Variants in TGOLN2 observed in about 807,000 individuals in gnomAD.
TGOLN2 encodes trans-golgi network protein 2.
In TGOLN2, 19 loss-of-function variants were observed where a neutral mutation model predicts 31.3. That is an observed-to-expected ratio of 0.61 (90% CI 0.42 to 0.89). TGOLN2 has a LOEUF of 0.89. TGOLN2 is among the 40% of genes least tolerant of loss of function. The pLI is 0.00. For synonymous variants in TGOLN2, 222 were observed against 226.7 expected (o/e 0.98, Z 0.19); for missense variants, 540 against 559.2 (o/e 0.97, Z 0.35).
At position 85,327,213 on chromosome 2, in the gene TGOLN2, C is replaced by A; in HGVS notation, c.519G>T (p.Gln173His). The A allele has an allele frequency of 6.2e-7, 1 of 1,612,848 alleles. No homozygotes were observed. The change falls in exon 2 of 4, where the codon CAG becomes CAT. Residue 173 changes from glutamine to histidine, a missense_variant. Gln to His is a conservative substitution (Grantham distance 24). Coordinates refer to ENST00000377386, the MANE Select transcript of TGOLN2 (RefSeq NM_006464.4). ...ACTTATTAGGGACATCTTTTGTGGT[C>A]TGCGCCTCCGAACCTGACTTGCTAG... ...DSPSKSGSEA[Q>H]TTKDVPNKSG...
chr2:85,322,805 C>A (rs774858060), intron 3 of TGOLN2, 64 bp from the exon 4 acceptor site: 5 of 1,583,434 alleles, frequency 3.2e-6, no homozygotes, highest in Non-Finnish European at 4.3e-6. Flanking sequence ...ACATACTGAC[C>A]CACCACCACA....
In TGOLN2 at chr2:85,318,720, G is replaced by A. The variant is rs1682450584; in HGVS notation, c.*4016C>T. On this transcript the variant is annotated 3_prime_UTR_variant, in exon 4 of 4. Transcript: ENST00000377386. Reference sequence around the variant, plus strand: ...GGTTTAGAATTCTATCAGCACATGTGTCACTGGAAGCCATCATGGGAGTAC... The same window carrying A: ...GGTTTAGAATTCTATCAGCACATGTATCACTGGAAGCCATCATGGGAGTAC... 1 of 152,292 alleles carries A rather than the reference G, an allele frequency of 6.6e-6. No homozygotes were observed. Among genetic ancestry groups the A allele is most frequent in the African/African-American group, 2.4e-5 (1 of 41,470 alleles). 9.4% of individuals were successfully genotyped at this position (152,292 alleles called of 1,614,324 possible).
Position 85,326,625 on chromosome 2 carries a change from G to A in TGOLN2, c.1107C>T (p.Asp369=), listed in dbSNP as rs1219054488. 1 of 1,614,016 alleles carries A rather than the reference G, an allele frequency of 6.2e-7. No individual in the cohort carries two copies. Among genetic ancestry groups the A allele is most frequent in the African/African-American group, 1.3e-5 (1 of 75,040 alleles). Residue 369 remains aspartate, a synonymous_variant, in exon 2 of 4, where the codon GAC becomes GAT. Transcript: ENST00000377386. ...LSDSTGSEKD[D]LYPNGSGNGS... ...CATTTCCAGAACCGTTCGGATAAAG[G>A]TCATCCTTCTCGCTACCCGTGGAAT...
rs2104408720 is a variant in TGOLN2 at position 85,322,494 on chromosome 2, T to C, written c.*242A>G. On this transcript the variant is annotated 3_prime_UTR_variant, in exon 4 of 4. Coordinates refer to ENST00000377386, the MANE Select transcript of TGOLN2 (RefSeq NM_006464.4). ...AAATAAAGGGAACACAGAAGAACAA[T>C]GTCACCAAAGTGCAGGTGCAAAGCC... 4.5e-6 allele frequency: 3 copies of C among 666,058 alleles called. No homozygotes were observed. Among genetic ancestry groups the C allele is most frequent in the South Asian group, 4.0e-5 (2 of 50,410 alleles). The allele number at this position is 666,058 out of a possible 1,614,324, so 41.3% of individuals were successfully genotyped here.
Position 85,327,966 on chromosome 2 carries a change from G to C in TGOLN2, c.-4C>G, listed in dbSNP as rs768165945. The C allele has an allele frequency of 3.8e-6, 6 of 1,589,086 alleles. 1 individual carries two copies. In the Admixed American group the frequency reaches 1.1e-4, roughly 28 times the overall value. ...CCAAGGCAACCACGAACCGCATCCT[G>C]CTCGGATAGCGCTTCCGCCCTCTAA... is the stretch of plus-strand genomic sequence containing the variant. On this transcript the variant is annotated 5_prime_UTR_variant, in exon 1 of 4. Transcript: ENST00000377386.
chr2:85,327,490 G>C lies in TGOLN2; in HGVS notation c.242C>G (p.Pro81Arg). Reference protein sequence around the residue: ...SAEAQTPEDTPNKSGAEAKTQ... With the variant: ...SAEAQTPEDTRNKSGAEAKTQ... Reference sequence around the variant, plus strand: ...CTTTGCCTCCGCACCCGACTTGTTGGGGGTGTCTTCTGGGGTCTGCGCCTC... The same window carrying C: ...CTTTGCCTCCGCACCCGACTTGTTGCGGGTGTCTTCTGGGGTCTGCGCCTC... The change falls in exon 2 of 4, where the codon CCC (proline) becomes CGC (arginine). Residue 81 changes from proline to arginine, a missense_variant. Coordinates refer to ENST00000377386, the MANE Select transcript of TGOLN2 (RefSeq NM_006464.4). The C allele has an allele frequency of 8.1e-6, 13 of 1,613,976 alleles. No individual in the cohort carries two copies. The highest frequency in any genetic ancestry group is 1.1e-5 in the Non-Finnish European group (13 of 1,179,886).
At chr2:85,325,405 CA>C (rs1682695936) in intron 2 of TGOLN2, among the ~76,000 whole-genome samples, 1 of 152,214 alleles carries the variant, frequency 6.6e-6, no homozygotes, top group Admixed American at 6.5e-5. Flanking sequence ...ACATCAACTA[CA>C]TTCTTTATCA....
Position 85,327,703 on chromosome 2 carries a change from G to A in TGOLN2, c.47-18C>T, listed in dbSNP as rs375631353. ...CACGGCTCCTGAAATAGAAAAACGAGTTAGCACCGGAGAAGGGCAGGCGGG... is the reference window on the plus strand; with the variant it reads ...CACGGCTCCTGAAATAGAAAAACGAATTAGCACCGGAGAAGGGCAGGCGGG... On this transcript the variant is annotated intron_variant, in intron 1 of 3. Transcript: ENST00000377386. 4.7e-5 allele frequency: 74 copies of A among 1,570,554 alleles called. No homozygotes were observed. The African/African-American group carries it at 9.2e-4, about 20-fold the overall frequency.
chr2:85,327,262 T>C lies in TGOLN2; in HGVS notation c.470A>G (p.Glu157Gly). 6.2e-7 allele frequency: 1 copy of C among 1,612,910 alleles called. No individual in the cohort carries two copies. The highest frequency in any genetic ancestry group is 8.5e-7 in the Non-Finnish European group (1 of 1,179,164). ...AGGGCTGTCTTTTTGGGTCTTTGCC[T>C]CCGCACCCGACCTGTTGGGGCTGTC... ...PEDSPNRSGA[E>G]AKTQKDSPSK... The change falls in exon 2 of 4, where the codon GAG becomes GGG. Residue 157 changes from glutamate to glycine, a missense_variant. Coordinates refer to ENST00000377386, the MANE Select transcript of TGOLN2 (RefSeq NM_006464.4).
chr2:85,327,976 C>G lies in TGOLN2; in HGVS notation c.-14G>C, dbSNP rs1220116458. On this transcript the variant is annotated 5_prime_UTR_variant, in exon 1 of 4. Transcript: ENST00000377386. ...CACGAACCGCATCCTGCTCGGATAG[C>G]GCTTCCGCCCTCTAATGCTCTCGCG... The G allele has an allele frequency of 6.3e-7, 1 of 1,581,462 alleles. No homozygotes were observed. Among genetic ancestry groups the G allele is most frequent in the Non-Finnish European group, 8.6e-7 (1 of 1,164,154 alleles).
Position 85,327,958 on chromosome 2 carries a change from C to T in TGOLN2, c.5G>A (p.Arg2Gln), listed in dbSNP as rs769708823. The T allele has an allele frequency of 4.4e-6, 7 of 1,595,980 alleles. No homozygotes were observed. Among genetic ancestry groups the T allele is most frequent in the South Asian group, 3.4e-5 (3 of 87,974 alleles). Residue 2 changes from arginine (R) to glutamine (Q), a missense_variant, in exon 1 of 4, where the codon CGG becomes CAG. By Grantham distance (43) the Arg-to-Gln change is conservative (BLOSUM62 1). Coordinates refer to ENST00000377386, the MANE Select transcript of TGOLN2 (RefSeq NM_006464.4). M[R>Q]FVVALVLLNV... ...CAGGAGGACCAAGGCAACCACGAACCGCATCCTGCTCGGATAGCGCTTCCG... is the reference window on the plus strand; with the variant it reads ...CAGGAGGACCAAGGCAACCACGAACTGCATCCTGCTCGGATAGCGCTTCCG...
At position 85,319,170 on chromosome 2, in the gene TGOLN2, ATTTC is replaced by A. The variant is rs1317826475; in HGVS notation, c.*3562_*3565del. 2 of 143,982 alleles carry A rather than the reference ATTTC, an allele frequency of 1.4e-5. No homozygotes were observed. The highest frequency in any genetic ancestry group is 3.0e-5 in the Non-Finnish European group (2 of 65,928). The allele number at this position is 143,982 out of a possible 1,614,324, so 8.9% of individuals were successfully genotyped here. Reference sequence around the variant, plus strand: ...GATGTGCGGTATTTTCTTCAATGCTATTTCTTTCTTTTTTTTTTTTTTTTTTGAG... The same window carrying A: ...GATGTGCGGTATTTTCTTCAATGCTATTTCTTTTTTTTTTTTTTTTTTGAG... On this transcript the variant is annotated 3_prime_UTR_variant, in exon 4 of 4. Coordinates refer to ENST00000377386, the MANE Select transcript of TGOLN2 (RefSeq NM_006464.4).
At chr2:85,325,086 A>AT in intron 2 of TGOLN2, 88 bp from the exon 3 acceptor site, 1 of 1,208,546 alleles carries the variant, frequency 8.3e-7, no homozygotes, top group Non-Finnish European at 1.2e-6. Flanking sequence ...ACCTGGTAGC[A>AT]TATTTGTTAA....
At chr2:85,323,747 A>G (rs920849086) in intron 3 of TGOLN2, among the ~76,000 whole-genome samples, 23 of 152,220 alleles carry the variant, frequency 1.5e-4, no homozygotes, top group African/African-American at 5.5e-4. Context: ...TGTTCCCTGC[A>G]GGAAGTCTGG....
intron 2 of TGOLN2, among the ~76,000 whole-genome samples, chr2:85,325,589 C>G (rs1235526906): frequency 6.6e-6 from 1 of 152,174 alleles, no homozygotes; most frequent in Non-Finnish European, 1.5e-5. Context: ...GCCATCCTCC[C>G]ACTTCAGCCT....
Position 85,327,113 on chromosome 2 carries a change from G to A in TGOLN2, c.619C>T (p.Pro207Ser). Reference sequence around the variant, plus strand: ...TGCTTCTCCGCACCCGACTTGTTAGGGACGTCTTTTGGGGTCTGATCCTCC... The same window carrying A: ...TGCTTCTCCGCACCCGACTTGTTAGAGACGTCTTTTGGGGTCTGATCCTCC... The part of the protein sequence containing the change: ...GAEDQTPKDV[P>S]NKSGAEKQTP... Residue 207 changes from proline (P) to serine (S), a missense_variant, in exon 2 of 4, where the codon CCT becomes TCT. Pro to Ser is a moderately conservative substitution (Grantham distance 74). Transcript: ENST00000377386. 1.9e-6 allele frequency: 3 copies of A among 1,612,834 alleles called. No individual in the cohort carries two copies. Among genetic ancestry groups the A allele is most frequent in the Non-Finnish European group, 2.5e-6 (3 of 1,179,584 alleles).
intron 3 of TGOLN2, among the ~76,000 whole-genome samples, chr2:85,323,415 A>G (rs958023560): frequency 6.6e-5 from 10 of 152,102 alleles, no homozygotes; most frequent in Non-Finnish European, 1.0e-4. Flanking sequence ...AAAATCTAAA[A>G]ATTAGCTGGG....
rs1255977705 is a variant in TGOLN2 at position 85,327,694 on chromosome 2, G to C, written c.47-9C>G. 1 of 1,572,018 alleles carries C rather than the reference G, an allele frequency of 6.4e-7. No individual in the cohort carries two copies. Among genetic ancestry groups the C allele is most frequent in the Non-Finnish European group, 8.6e-7 (1 of 1,157,358 alleles). On this transcript the variant is annotated splice_polypyrimidine_tract_variant and intron_variant, in intron 1 of 3. Transcript: ENST00000377386. ...CAAGAGCGGCACGGCTCCTGAAATA[G>C]AAAAACGAGTTAGCACCGGAGAAGG...
At chr2:85,326,358 A>G (rs1682727342) in intron 2 of TGOLN2, 150 bp downstream of exon 2, 6 of 683,664 alleles carry the variant, frequency 8.8e-6, no homozygotes, top group Non-Finnish European at 1.5e-5. Context: ...AACAAGAGTA[A>G]AGAGGCCTAA....
Sources: gnomAD v4.1 joint callset for allele counts (sites outside exome capture counted in the v4.1 genomes callset) on GRCh38, gnomAD v4.1.1 for gene constraint, MANE v1.5 for transcripts, NCBI Gene and HGNC (gene_info 2026-07-23, HGNC 2026-07-21) for gene names.